The following SYN3 variants were observed in gnomAD, a reference collection of about 807,000 sequenced individuals.
SYN3 encodes synapsin-3.
SYN3 carries 35 observed loss-of-function variants against 65.8 expected under a neutral mutation model. The ratio of observed to expected loss-of-function variants is 0.53; its 90% CI spans 0.41 to 0.70. The LOEUF (loss-of-function observed/expected upper bound fraction) is 0.70, where lower values mean the gene tolerates loss of function less well. Among genes scored for constraint, SYN3 ranks in the 30% least tolerant of loss-of-function variants. The pLI is 0.00. For synonymous variants in SYN3, 270 were observed against 292.9 expected, an observed-to-expected ratio of 0.92 and a Z score of 0.80; for missense variants, 680 against 749.0, an observed-to-expected ratio of 0.91 and a Z score of 1.08.
At position 32,818,043 on chromosome 22, in the gene SYN3, T is replaced by C. The variant is rs144922738; in HGVS notation, c.711+46872A>G. 8.5e-5 allele frequency among the ~76,000 whole-genome samples: 13 copies of C among 152,344 alleles called. No homozygotes were observed. In the East Asian group the frequency reaches 2.3e-3, roughly 27 times the overall value. On this transcript the variant is annotated intron_variant, in intron 6 of 13. Transcript: ENST00000358763. Reference sequence around the variant, plus strand: ...AAATTCTCCTAAAAGCTATCTTGGATCATTAGAACACTTGCCCTAGAGTAT... The same window carrying C: ...AAATTCTCCTAAAAGCTATCTTGGACCATTAGAACACTTGCCCTAGAGTAT...
At chr22:32,771,654 C>T (rs73156480) in intron 6 of SYN3, among the ~76,000 whole-genome samples, 14,885 of 152,238 alleles carry the variant, frequency 0.098, 907 homozygotes, top group Admixed American at 0.15. Flanking sequence ...ACATCATATT[C>T]GGTGTACATG....
intron 6 of SYN3, among the ~76,000 whole-genome samples, chr22:32,819,450 C>T (rs567243418): frequency 7.2e-5 from 11 of 152,198 alleles, no homozygotes; most frequent in African/African-American, 1.2e-4. Flanking sequence ...CACCAGCCAA[C>T]GATGGGTATG....
In SYN3 at chr22:32,650,273, C is replaced by T. The variant is rs2413135; in HGVS notation, c.712-53537G>A. ...TCCCTCCCTCCCTCTCTCTCTCTCTCTCTTTCTTTTTGAGACAGAGTCTCA... is the reference window on the plus strand; with the variant it reads ...TCCCTCCCTCCCTCTCTCTCTCTCTTTCTTTCTTTTTGAGACAGAGTCTCA... On this transcript the variant is annotated intron_variant, in intron 6 of 13. Transcript: ENST00000358763. Among the ~76,000 whole-genome samples the T allele has an allele frequency of 1.1e-3, 125 of 114,950 alleles. 1 individual carries two copies. The highest frequency in any genetic ancestry group is 4.3e-3 in the African/African-American group (118 of 27,238). 75.4% of individuals were successfully genotyped at this position (114,950 alleles called of 152,430 possible). A position where few individuals can be genotyped will look rare whatever the true frequency, so the allele number is the denominator to read the frequency against.
chr22:32,537,897 A>G (rs2058191616), intron 9 of SYN3, 139 bp downstream of exon 9: 2 of 662,002 alleles, frequency 3.0e-6, no homozygotes, highest in Admixed American at 2.5e-5. Context: ...GAAGATGATC[A>G]TGTCTAAAAA....
At chr22:32,934,561 A>G (rs757488843) in intron 3 of SYN3, among the ~76,000 whole-genome samples, 1 of 152,244 alleles carries the variant, frequency 6.6e-6, no homozygotes, top group South Asian at 2.1e-4. Context: ...AACCTTCAGC[A>G]CCATGGAAAT....
intron 6 of SYN3, among the ~76,000 whole-genome samples, chr22:32,646,601 C>T (rs2059987388): frequency 6.6e-6 from 1 of 152,158 alleles, no homozygotes; most frequent in Non-Finnish European, 1.5e-5. Flanking sequence ...ATAATAGGTG[C>T]TCCAAGAAGA....
chr22:32,937,712 C>T (rs2146733394), intron 3 of SYN3, among the ~76,000 whole-genome samples: 1 of 152,220 alleles, frequency 6.6e-6, no homozygotes, highest in East Asian at 1.9e-4. Flanking sequence ...GCGGGGATTA[C>T]AATTCAACAT....
intron 6 of SYN3, among the ~76,000 whole-genome samples, chr22:32,683,467 C>T (rs907202862): frequency 3.3e-5 from 5 of 152,032 alleles, no homozygotes; most frequent in African/African-American, 4.8e-5. Context: ...CTTCACAGAT[C>T]GGGTGGTTTA....
intron 6 of SYN3, among the ~76,000 whole-genome samples, chr22:32,665,638 C>T (rs2060279901): frequency 6.6e-6 from 1 of 152,176 alleles, no homozygotes; most frequent in Admixed American, 6.5e-5. Flanking sequence ...CTGTCAAACA[C>T]TTGTGTGTTT....
intron 4 of SYN3, among the ~76,000 whole-genome samples, chr22:32,920,415 G>A (rs1038144520): frequency 1.3e-5 from 2 of 152,122 alleles, no homozygotes; most frequent in Non-Finnish European, 2.9e-5. Context: ...AACATGCCCC[G>A]GGATGGCCCC....
At position 32,584,404 on chromosome 22, in the gene SYN3, C is replaced by T. The variant is rs117951235; in HGVS notation, c.774+12270G>A. Among the ~76,000 whole-genome samples the T allele has an allele frequency of 3.5e-4, 53 of 152,220 alleles. No individual in the cohort carries two copies. The East Asian group carries it at 0.01, about 29-fold the overall frequency. ...GGAGTGCGGTAAATTATAATGTTCCCCACCCCACCGGGTGATGTGTGCCCC... is the reference window on the plus strand; with the variant it reads ...GGAGTGCGGTAAATTATAATGTTCCTCACCCCACCGGGTGATGTGTGCCCC... On this transcript the variant is annotated intron_variant, in intron 7 of 13. Coordinates refer to ENST00000358763, the MANE Select transcript of SYN3 (RefSeq NM_003490.4).
intron 6 of SYN3, among the ~76,000 whole-genome samples, chr22:32,694,517 G>A (rs936827665): frequency 5.9e-5 from 9 of 152,230 alleles, no homozygotes; most frequent in South Asian, 4.2e-4. Flanking sequence ...AACTGTGTTC[G>A]TCCACTCATA....
intron 6 of SYN3, among the ~76,000 whole-genome samples, chr22:32,597,002 T>C (rs1212889950): frequency 2.0e-5 from 3 of 152,152 alleles, no homozygotes; most frequent in South Asian, 4.1e-4. Flanking sequence ...ACAAACCAAC[T>C]GGTTTCCAAT....
chr22:32,912,086 C>T (rs5994643), intron 4 of SYN3, among the ~76,000 whole-genome samples: 201 of 152,286 alleles, frequency 1.3e-3, no homozygotes, highest in African/African-American at 4.5e-3. Flanking sequence ...ATAATACATG[C>T]AAAGTGCCCA....
intron 3 of SYN3, among the ~76,000 whole-genome samples, chr22:32,970,162 C>T (rs549167040): frequency 2.0e-5 from 3 of 152,284 alleles, no homozygotes; most frequent in African/African-American, 7.2e-5. Context: ...GTGCTTCATG[C>T]AGTCTTATAG....
intron 6 of SYN3, among the ~76,000 whole-genome samples, chr22:32,830,400 G>A (rs779796814): frequency 6.6e-5 from 10 of 151,944 alleles, no homozygotes; most frequent in Admixed American, 1.3e-4. Flanking sequence ...TGCTTTGCCC[G>A]ACAGTCTATA....
rs73162065 is a variant in SYN3 at position 33,010,782 on chromosome 22, C to G, written c.-162-3958G>C. On this transcript the variant is annotated intron_variant, in intron 1 of 13. Coordinates refer to ENST00000358763, the MANE Select transcript of SYN3 (RefSeq NM_003490.4). ...TCTATGAACACAGTAGACCCCTCTACTCAGAAATTTTTTTGTGATTTTCAA... is the reference window on the plus strand; with the variant it reads ...TCTATGAACACAGTAGACCCCTCTAGTCAGAAATTTTTTTGTGATTTTCAA... Among the ~76,000 whole-genome samples, 885 of 152,248 alleles carry G rather than the reference C, an allele frequency of 5.8e-3. 7 individuals are homozygous for G. The highest frequency in any genetic ancestry group is 0.028 in the South Asian group (136 of 4,824).
chr22:32,530,248 C>T (rs1357438931), intron 10 of SYN3: 5 of 152,202 alleles, frequency 3.3e-5, no homozygotes, highest in South Asian at 2.1e-4. Flanking sequence ...TACTAAGAAG[C>T]GCCGTATTTT....
intron 4 of SYN3, among the ~76,000 whole-genome samples, chr22:32,895,335 T>C (rs1329707418): frequency 6.6e-6 from 1 of 152,220 alleles, no homozygotes. Context: ...ATCCTGGAAT[T>C]CTCAGATTCC....
Sources: allele counts gnomAD v4.1 joint callset (sites outside exome capture counted in the v4.1 genomes callset), GRCh38; gene constraint gnomAD v4.1.1; transcripts MANE v1.5; gene names NCBI Gene and HGNC (gene_info 2026-07-23, HGNC 2026-07-21).